Variants in GARNL3 observed in about 807,000 individuals in gnomAD.
The protein encoded by GARNL3 is GTPase-activating Rap/Ran-GAP domain-like protein 3.
Under a neutral mutation model 125.0 loss-of-function variants are expected in GARNL3, and 63 were observed. The observed-to-expected ratio is 0.50, with a 90% CI of 0.41 to 0.62. GARNL3 has a LOEUF of 0.62. GARNL3 is among the 20% of genes least tolerant of loss of function. The probability of loss-of-function intolerance (pLI) is 0.00; values close to 1 mark genes in which losing one functional copy is unlikely to be tolerated. For synonymous variants in GARNL3, 439 were observed against 457.5 expected (o/e 0.96, Z 0.52); for missense variants, 994 against 1,244.0 (o/e 0.80, Z 3.02).
chr9:127,297,454 CT>C (rs1206433678), intron 2 of GARNL3, among the ~76,000 whole-genome samples: 1 of 151,928 alleles, frequency 6.6e-6, no homozygotes, highest in Admixed American at 6.6e-5. Context: ...TTTCTTTTTT[CT>C]TTTTTTTCTT....
At chr9:127,355,155 T>C in intron 19 of GARNL3, 142 bp from the exon 20 acceptor site, 1 of 661,376 alleles carries the variant, frequency 1.5e-6, no homozygotes, top group East Asian at 2.5e-5. Context: ...GTCTCCATTT[T>C]GCCTAGTGTC....
chr9:127,332,168 T>C, intron 7 of GARNL3, 106 bp from the exon 8 acceptor site: 1 of 756,880 alleles, frequency 1.3e-6, no homozygotes, highest in Non-Finnish European at 2.3e-6. Context: ...CCCCTGACTG[T>C]CCATCCTGGT....
At chr9:127,336,407 T>C (rs1829558146) in intron 11 of GARNL3, among the ~76,000 whole-genome samples, 171 bp downstream of exon 11, 1 of 152,214 alleles carries the variant, frequency 6.6e-6, no homozygotes, top group Non-Finnish European at 1.5e-5. Flanking sequence ...CCTTCCTCTC[T>C]CCTTCCATTT....
chr9:127,325,056 C>T lies in GARNL3; in HGVS notation c.568-13C>T. 1.2e-6 allele frequency: 2 copies of T among 1,612,730 alleles called. No homozygotes were observed. The highest frequency in any genetic ancestry group is 1.7e-6 in the Non-Finnish European group (2 of 1,178,952). Reference sequence around the variant, plus strand: ...TTATGCCTGGATGTAACTTTTAAAACTTTATTTGACAGGACTTGCTGGTTC... The same window carrying T: ...TTATGCCTGGATGTAACTTTTAAAATTTTATTTGACAGGACTTGCTGGTTC... On this transcript the variant is annotated splice_polypyrimidine_tract_variant and intron_variant, in intron 6 of 27. Transcript: ENST00000373387.
In GARNL3 at chr9:127,393,018, G is replaced by C. The variant is rs984259763; in HGVS notation, c.2871-65G>C. 7.3e-6 allele frequency: 10 copies of C among 1,361,192 alleles called. No homozygotes were observed. The Admixed American group carries it at 8.5e-5, about 12-fold the overall frequency. 84.3% of individuals were successfully genotyped at this position (1,361,192 alleles called of 1,614,324 possible). On this transcript the variant is annotated intron_variant, in intron 27 of 27. Transcript: ENST00000373387. ...AGCTCAGATGAGCAGGAAATTGCCAGAAAAAAATAGGCCCAGTTCTGTGGT... is the reference window on the plus strand; with the variant it reads ...AGCTCAGATGAGCAGGAAATTGCCACAAAAAAATAGGCCCAGTTCTGTGGT...
At position 127,355,623 on chromosome 9, in the gene GARNL3, C is replaced by G. The variant is rs1271029443; in HGVS notation, c.1935+151C>G. ...TCATCTCTGGTGCCCTTGTTTCCCCCAGAAGACTAAAGCTAAAGCTCATTC... is the reference window on the plus strand; with the variant it reads ...TCATCTCTGGTGCCCTTGTTTCCCCGAGAAGACTAAAGCTAAAGCTCATTC... On this transcript the variant is annotated intron_variant, in intron 20 of 27. Transcript: ENST00000373387. The G allele has an allele frequency of 4.1e-6, 3 of 729,560 alleles. No homozygotes were observed. The Admixed American group carries it at 6.9e-5, about 17-fold the overall frequency. The allele number at this position is 729,560 out of a possible 1,614,324, so 45.2% of individuals were successfully genotyped here. A position where few individuals can be genotyped will look rare whatever the true frequency, so the allele number is the denominator to read the frequency against.
chr9:127,357,502 A>T, intron 21 of GARNL3, 125 bp downstream of exon 21: 2 of 900,000 alleles, frequency 2.2e-6, no homozygotes, highest in Admixed American at 4.8e-5. Flanking sequence ...CATCAGTATT[A>T]TGTGATTCAC....
chr9:127,292,182 T>A (rs1345179273), intron 2 of GARNL3, among the ~76,000 whole-genome samples: 1 of 152,252 alleles, frequency 6.6e-6, no homozygotes, highest in Non-Finnish European at 1.5e-5. Flanking sequence ...GTTTTCACTC[T>A]TGGCCTTAGC....
At chr9:127,281,495 A>G (rs2064103639) in intron 1 of GARNL3, among the ~76,000 whole-genome samples, 2 of 152,146 alleles carry the variant, frequency 1.3e-5, no homozygotes, top group South Asian at 2.1e-4. Context: ...TATATGCGCC[A>G]TGGTGCTCTC....
Position 127,390,648 on chromosome 9 carries a change from G to T in GARNL3, c.2751G>T (p.Ser917=), listed in dbSNP as rs752607274. 6.2e-7 allele frequency: 1 copy of T among 1,613,834 alleles called. No homozygotes were observed. Among genetic ancestry groups the T allele is most frequent in the East Asian group, 2.2e-5 (1 of 44,864 alleles). The part of the protein sequence containing the change: ...SRTRRELLGL[S]DEGGPKSEGA... Reference sequence around the variant, plus strand: ...CTATGATTCTCAATCCAGGCCTCTCGGATGAAGGTGGACCCAAGTCAGAAG... The same window carrying T: ...CTATGATTCTCAATCCAGGCCTCTCTGATGAAGGTGGACCCAAGTCAGAAG... The change falls in exon 27 of 28, where the codon TCG becomes TCT. Residue 917 remains serine (S), a synonymous_variant. Coordinates refer to ENST00000373387, the MANE Select transcript of GARNL3 (RefSeq NM_032293.5).
chr9:127,375,467 G>GAAAAAAAAAAAAAAAAAA (rs1176190521), intron 22 of GARNL3, among the ~76,000 whole-genome samples: 1 of 78,090 alleles, frequency 1.3e-5, no homozygotes. Context: ...CTCTGTCTCA[G>GAAAAAAAAAAAAAAAAAA]AAAAAAAAAA....
chr9:127,235,881 G>A (rs570481458), intron 1 of GARNL3, among the ~76,000 whole-genome samples: 104 of 152,206 alleles, frequency 6.8e-4, no homozygotes, highest in Non-Finnish European at 1.2e-3. Context: ...CTTTGCACAG[G>A]TGGAGGGAAT....
At chr9:127,387,407 C>A in intron 25 of GARNL3, 76 bp downstream of exon 25, 1 of 1,308,706 alleles carries the variant, frequency 7.6e-7, no homozygotes, top group Non-Finnish European at 1.1e-6. Flanking sequence ...CTAATATCTA[C>A]ATGTGATTAC....
chr9:127,393,463 C>A lies in GARNL3; in HGVS notation c.*209C>A. On this transcript the variant is annotated 3_prime_UTR_variant, in exon 28 of 28. Transcript: ENST00000373387. ...TTCTTTCTGTTCAGGAACCATCAGT[C>A]CCCTTGTAATAAAGGTGGTAGATTT... 2.6e-6 allele frequency: 1 copy of A among 384,060 alleles called. No individual in the cohort carries two copies. Among genetic ancestry groups the A allele is most frequent in the Non-Finnish European group, 4.7e-6 (1 of 214,026 alleles). The allele number at this position is 384,060 out of a possible 1,614,324, so 23.8% of individuals were successfully genotyped here.
chr9:127,307,944 A>G (rs929277282), intron 2 of GARNL3, among the ~76,000 whole-genome samples: 8 of 152,150 alleles, frequency 5.3e-5, no homozygotes, highest in Non-Finnish European at 7.4e-5. Flanking sequence ...GACTCCCCCT[A>G]TGTCTGGTCA....
chr9:127,250,840 G>A (rs765421741), intron 2 of GARNL3, among the ~76,000 whole-genome samples: 3 of 152,074 alleles, frequency 2.0e-5, no homozygotes, highest in Admixed American at 6.6e-5. Context: ...CAGGGAGGAG[G>A]ATGGTCTCGC....
intron 1 of GARNL3, among the ~76,000 whole-genome samples, chr9:127,241,774 G>A (rs909970786): frequency 1.2e-4 from 18 of 151,782 alleles, no homozygotes; most frequent in Admixed American, 1.1e-3. Flanking sequence ...TGTTTGTTTT[G>A]TTTTGTTTTG....
At position 127,350,173 on chromosome 9, in the gene GARNL3, A is replaced by T. The variant is rs1267704165; in HGVS notation, c.1543+1138A>T. On this transcript the variant is annotated intron_variant, in intron 17 of 27. Transcript: ENST00000373387. The stretch of plus-strand genomic sequence containing the variant: ...AAGGCAGATAATTTAAAATTCATAA[A>T]TTTATAATTTAAATTCAGTATGTAA... Among the ~76,000 whole-genome samples the T allele has an allele frequency of 2.0e-5, 3 of 152,356 alleles. No homozygotes were observed. In the East Asian group the frequency reaches 5.8e-4, roughly 29 times the overall value.
Position 127,231,560 on chromosome 9 carries a change from G to T in GARNL3, c.-29+7222G>T, listed in dbSNP as rs76035473. On this transcript the variant is annotated intron_variant, in intron 1 of 10. Transcript: ENST00000439286. Reference sequence around the variant, plus strand: ...AACAGGGTTATATATTAGTAGGATTGAATTTGTGAGGTAAATCCTGAAGAT... The same window carrying T: ...AACAGGGTTATATATTAGTAGGATTTAATTTGTGAGGTAAATCCTGAAGAT... Among the ~76,000 whole-genome samples, 861 of 152,278 alleles carry T rather than the reference G, an allele frequency of 5.7e-3. 23 individuals carry two copies. The East Asian group carries it at 0.086, about 15-fold the overall frequency.
Sources: allele counts gnomAD v4.1 joint callset (sites outside exome capture counted in the v4.1 genomes callset), GRCh38; gene constraint gnomAD v4.1.1; transcripts MANE v1.5; gene names NCBI Gene and HGNC (gene_info 2026-07-23, HGNC 2026-07-21).